CNNM4: variants seen among roughly 807,000 people sequenced by gnomAD.
CNNM4 encodes the protein cyclin and CBS domain divalent metal cation transport mediator 4.
A neutral mutation model predicts 53.7 loss-of-function variants in CNNM4; 32 were observed. The observed-to-expected ratio is 0.60, with a 90% CI of 0.45 to 0.80. The LOEUF is 0.80. Among genes scored for constraint, CNNM4 ranks in the 30% least tolerant of loss-of-function variants. The pLI is 0.00. For synonymous variants in CNNM4, 410 were observed against 440.0 expected, an observed-to-expected ratio of 0.93 and a Z score of 0.85; for missense variants, 784 against 1,022.0, an observed-to-expected ratio of 0.77 and a Z score of 3.17.
At position 96,797,591 on chromosome 2, in the gene CNNM4, T is replaced by C; in HGVS notation, c.1625T>C (p.Leu542Pro). The C allele has an allele frequency of 1.9e-6, 3 of 1,614,124 alleles. No homozygotes were observed. The highest frequency in any genetic ancestry group is 2.5e-6 in the Non-Finnish European group (3 of 1,180,008). The change falls in exon 3 of 7, where the codon CTC becomes CCC. Residue 542 changes from leucine to proline, a missense_variant. This residue lies in a region of CNNM4 where 307 missense variants were observed against 376.3 expected (regional missense o/e 0.82). Transcript: ENST00000377075. The surrounding 1 kb of genome is among the most constrained non-coding windows in gnomAD (Gnocchi z 6.0). The stretch of plus-strand genomic sequence containing the variant: ...GCCTTCAAGGATGCGGACAATGAGC[T>C]CAAAGTGAAAATCTCCCCGCAGCTC... ...FSAFKDADNE[L>P]KVKISPQLLL...
At chr2:96,785,292 C>G (rs1034781758) in intron 1 of CNNM4, among the ~76,000 whole-genome samples, 1 of 151,984 alleles carries the variant, frequency 6.6e-6, no homozygotes, top group African/African-American at 2.4e-5. Flanking sequence ...TGTACATGTG[C>G]TGTTATACTA....
Position 96,808,414 on chromosome 2 carries a change from C to T in CNNM4, c.1949-147C>T, listed in dbSNP as rs2079227481. 1 of 758,282 alleles carries T rather than the reference C, an allele frequency of 1.3e-6. No individual in the cohort carries two copies. Among genetic ancestry groups the T allele is most frequent in the African/African-American group, 1.7e-5 (1 of 58,110 alleles). The allele number at this position is 758,282 out of a possible 1,614,324, so 47.0% of individuals were successfully genotyped here. A position where few individuals can be genotyped will look rare whatever the true frequency, so the allele number is the denominator to read the frequency against. ...CGAAGTCAGACCTTATGCAGTCAGA[C>T]CTTCTACATGCTTCTGTTTGTCCCT... On this transcript the variant is annotated intron_variant, in intron 5 of 6. Transcript: ENST00000377075. This position sits in a 1 kb window ranked among gnomAD's most constrained non-coding sequence, Gnocchi z 4.9.
chr2:96,765,354 G>C (rs2078807045), intron 1 of CNNM4, among the ~76,000 whole-genome samples: 1 of 151,824 alleles, frequency 6.6e-6, no homozygotes, highest in South Asian at 2.1e-4. Context: ...TTGAACTCCC[G>C]ACCTCAGGTG....
At position 96,761,491 on chromosome 2, in the gene CNNM4, G is replaced by C. The variant is rs1250631920; in HGVS notation, c.492G>C (p.Thr164=). 3 of 1,614,086 alleles carry C rather than the reference G, an allele frequency of 1.9e-6. No individual in the cohort carries two copies. In the South Asian group the frequency reaches 3.3e-5, roughly 18 times the overall value. ...CCGACGGGCCCTGGCTGAAGTGGAC[G>C]GACAAGGACTCACTGCTCTTCATGG... ...AQPDGPWLKW[T]DKDSLLFMVE... is the part of the protein sequence containing the mutation. The change falls in exon 1 of 7, where the codon ACG becomes ACC. Residue 164 remains threonine (T), a synonymous_variant. Transcript: ENST00000377075. The surrounding 1 kb of genome is among the most constrained non-coding windows in gnomAD (Gnocchi z 6.0).
In CNNM4 at chr2:96,800,992, G is replaced by C. The variant is rs920600347; in HGVS notation, c.1948+1344G>C. 2 of 611,556 alleles carry C rather than the reference G, an allele frequency of 3.3e-6. No homozygotes were observed. Among genetic ancestry groups the C allele is most frequent in the Non-Finnish European group, 4.1e-6 (2 of 488,708 alleles). 37.9% of individuals were successfully genotyped at this position (611,556 alleles called of 1,614,324 possible). A position where few individuals can be genotyped will look rare whatever the true frequency, so the allele number is the denominator to read the frequency against. On this transcript the variant is annotated intron_variant, in intron 5 of 6. Coordinates refer to ENST00000377075, the MANE Select transcript of CNNM4 (RefSeq NM_020184.4). This position sits in a 1 kb window ranked among gnomAD's most constrained non-coding sequence, Gnocchi z 4.6. ...TGCCCAAAGCAGCCTGGCCCCGTCA[G>C]GTCTGCCTCTGTCCTGTGCCTGTGG...
chr2:96,761,017 G>C lies in CNNM4; in HGVS notation c.18G>C (p.Gly6=). The part of the protein sequence containing the change: MAPVG[G]GGRPVGGPAR... ...AGAGCAACATGGCGCCGGTGGGCGG[G>C]GGCGGGCGCCCGGTCGGCGGACCGG... Residue 6 remains glycine (G), a synonymous_variant, in exon 1 of 7, where the codon GGG becomes GGC. Transcript: ENST00000377075. The surrounding 1 kb of genome is among the most constrained non-coding windows in gnomAD (Gnocchi z 6.0). 1 of 1,184,090 alleles carries C rather than the reference G, an allele frequency of 8.4e-7. No homozygotes were observed. Among genetic ancestry groups the C allele is most frequent in the Non-Finnish European group, 1.0e-6 (1 of 956,452 alleles). 73.3% of individuals were successfully genotyped at this position (1,184,090 alleles called of 1,614,324 possible).
In CNNM4 at chr2:96,808,472, C is replaced by A; in HGVS notation, c.1949-89C>A. Reference sequence around the variant, plus strand: ...ACTTCCTGTTCCTGGGTGGGGTGTCCCTGGGCTTCCATGGGATGAGGTGAG... The same window carrying A: ...ACTTCCTGTTCCTGGGTGGGGTGTCACTGGGCTTCCATGGGATGAGGTGAG... On this transcript the variant is annotated intron_variant, in intron 5 of 6. Coordinates refer to ENST00000377075, the MANE Select transcript of CNNM4 (RefSeq NM_020184.4). This position sits in a 1 kb window ranked among gnomAD's most constrained non-coding sequence, Gnocchi z 4.9. 7.2e-7 allele frequency: 1 copy of A among 1,395,746 alleles called. No individual in the cohort carries two copies. Among genetic ancestry groups the A allele is most frequent in the Non-Finnish European group, 1.0e-6 (1 of 992,880 alleles). The allele number at this position is 1,395,746 out of a possible 1,614,324, so 86.5% of individuals were successfully genotyped here.
rs1365335257 is a variant in CNNM4, at chr2:96,797,582, A to C, written c.1616A>C (p.Asp539Ala). Reference sequence around the variant, plus strand: ...GACTTCTCTGCCTTCAAGGATGCGGACAATGAGCTCAAAGTGAAAATCTCC... The same window carrying C: ...GACTTCTCTGCCTTCAAGGATGCGGCCAATGAGCTCAAAGTGAAAATCTCC... ...KRDFSAFKDA[D>A]NELKVKISPQ... is the part of the protein sequence containing the mutation. Residue 539 changes from aspartate to alanine, a missense_variant, in exon 3 of 7, where the codon GAC becomes GCC. Physicochemically the swap from Asp to Ala is moderately radical, Grantham distance 126. This residue lies in a region of CNNM4 where 307 missense variants were observed against 376.3 expected (regional missense o/e 0.82). Transcript: ENST00000377075. This position sits in a 1 kb window ranked among gnomAD's most constrained non-coding sequence, Gnocchi z 6.0. 6.2e-7 allele frequency: 1 copy of C among 1,614,216 alleles called. No homozygotes were observed. The highest frequency in any genetic ancestry group is 1.7e-5 in the Admixed American group (1 of 60,028).
At chr2:96,767,288 C>T (rs1327564616) in intron 1 of CNNM4, among the ~76,000 whole-genome samples, 3 of 152,132 alleles carry the variant, frequency 2.0e-5, no homozygotes, top group South Asian at 2.1e-4. Flanking sequence ...GTAAGATCAT[C>T]GAGTTGGTGA....
At chr2:96,792,185 G>T (rs1421017588) in intron 1 of CNNM4, among the ~76,000 whole-genome samples, 2 of 149,834 alleles carry the variant, frequency 1.3e-5, no homozygotes, top group African/African-American at 2.5e-5. Flanking sequence ...GGTGGAGATT[G>T]CAGTGAGCTG....
intron 1 of CNNM4, among the ~76,000 whole-genome samples, chr2:96,784,590 G>A (rs2153347035): frequency 6.6e-6 from 1 of 152,302 alleles, no homozygotes; most frequent in South Asian, 2.1e-4. Context: ...CAGTCTTAGA[G>A]TCCCCATCAT....
intron 1 of CNNM4, among the ~76,000 whole-genome samples, chr2:96,789,456 G>A (rs2153347746): frequency 6.6e-6 from 1 of 152,250 alleles, no homozygotes; most frequent in Non-Finnish European, 1.5e-5. Context: ...GCCTCACATG[G>A]TGTTCTTTGA....
At position 96,808,682 on chromosome 2, in the gene CNNM4, C is replaced by T; in HGVS notation, c.2070C>T (p.Val690=). The T allele has an allele frequency of 6.2e-7, 1 of 1,614,190 alleles. No individual in the cohort carries two copies. Among genetic ancestry groups the T allele is most frequent in the Non-Finnish European group, 8.5e-7 (1 of 1,180,034 alleles). The change falls in exon 6 of 7, where the codon GTC becomes GTT. Residue 690 remains valine, a synonymous_variant. Coordinates refer to ENST00000377075, the MANE Select transcript of CNNM4 (RefSeq NM_020184.4). This position sits in a 1 kb window ranked among gnomAD's most constrained non-coding sequence, Gnocchi z 4.9. Reference sequence around the variant, plus strand: ...GCAGCAACCAGTTTGGCAGCTCTGTCCTGGGCCAGTACATCTCTGACTTCA... The same window carrying T: ...GCAGCAACCAGTTTGGCAGCTCTGTTCTGGGCCAGTACATCTCTGACTTCA... The part of the protein sequence containing the change: ...AGSSNQFGSS[V]LGQYISDFSV...
chr2:96,768,658 G>A (rs550518285), intron 1 of CNNM4, among the ~76,000 whole-genome samples: 1 of 152,332 alleles, frequency 6.6e-6, no homozygotes, highest in African/African-American at 2.4e-5. Context: ...AGGGCAGAGG[G>A]AGGTAAGTGG....
intron 6 of CNNM4, 47 bp from the exon 7 acceptor site, chr2:96,809,273 C>T (rs1479049265): frequency 1.2e-6 from 2 of 1,610,582 alleles, no homozygotes; most frequent in Admixed American, 3.4e-5. Flanking sequence ...GTGATAGGGT[C>T]TGCCTCCCAG....
At position 96,797,558 on chromosome 2, in the gene CNNM4, A is replaced by G. The variant is rs2079115409; in HGVS notation, c.1592A>G (p.Asp531Gly). The G allele has an allele frequency of 6.2e-7, 1 of 1,614,186 alleles. No homozygotes were observed. Among genetic ancestry groups the G allele is most frequent in the Non-Finnish European group, 8.5e-7 (1 of 1,180,036 alleles). ...CGGGTGTCTGAGAAGAACAAGCGTG[A>G]CTTCTCTGCCTTCAAGGATGCGGAC... ...RKRVSEKNKR[D>G]FSAFKDADNE... Residue 531 changes from aspartate (D) to glycine (G), a missense_variant, in exon 3 of 7, where the codon GAC (aspartate) becomes GGC (glycine). Physicochemically the swap from Asp to Gly is moderately conservative, Grantham distance 94 (BLOSUM62 -1). Transcript: ENST00000377075. This position sits in a 1 kb window ranked among gnomAD's most constrained non-coding sequence, Gnocchi z 6.0.
chr2:96,787,979 G>A (rs1376294492), intron 1 of CNNM4, among the ~76,000 whole-genome samples: 2 of 152,242 alleles, frequency 1.3e-5, no homozygotes, highest in Non-Finnish European at 2.9e-5. Context: ...CTGGAGTGCA[G>A]TAGTGCAATC....
intron 1 of CNNM4, among the ~76,000 whole-genome samples, chr2:96,793,343 A>G (rs2079077511): frequency 6.6e-6 from 1 of 152,118 alleles, no homozygotes; most frequent in East Asian, 1.9e-4. Flanking sequence ...AAATAGGAAA[A>G]ACAGCCCAGG....
intron 1 of CNNM4, 71 bp downstream of exon 1, chr2:96,762,472 C>A: frequency 7.1e-7 from 1 of 1,413,356 alleles, no homozygotes; most frequent in Non-Finnish European, 1.0e-6. Flanking sequence ...TGTTTTGTGT[C>A]TGCTGGCTTT....
Sources: allele counts gnomAD v4.1 joint callset (sites outside exome capture counted in the v4.1 genomes callset), GRCh38; gene constraint gnomAD v4.1.1; regional missense constraint gnomAD v4.1.1; non-coding constraint Gnocchi (gnomAD v3.1); transcripts MANE v1.5; gene names NCBI Gene and HGNC (gene_info 2026-07-23, HGNC 2026-07-21).